Variants in GALNT17 observed in about 807,000 individuals in gnomAD.
The protein encoded by GALNT17 is polypeptide N-acetylgalactosaminyltransferase 17.
Under a neutral mutation model 63.7 loss-of-function variants are expected in GALNT17, and 29 were observed. That is an observed-to-expected ratio of 0.46 (90% CI 0.34 to 0.62). The LOEUF (loss-of-function observed/expected upper bound fraction) is 0.62, where lower values mean the gene tolerates loss of function less well. Among genes scored for constraint, GALNT17 ranks in the 20% least tolerant of loss-of-function variants. The pLI is 0.01. For missense variants in GALNT17, 603 were observed against 799.6 expected (o/e 0.75, Z 2.97); for synonymous variants, 305 against 318.3 (o/e 0.96, Z 0.45).
At chr7:71,285,125 G>T (rs2115778366) in intron 1 of GALNT17, among the ~76,000 whole-genome samples, 1 of 152,252 alleles carries the variant, frequency 6.6e-6, no homozygotes, top group East Asian at 1.9e-4. Flanking sequence ...AAATACCGCA[G>T]AAATTACAAA....
At chr7:71,330,295 G>T (rs2116059231) in intron 1 of GALNT17, among the ~76,000 whole-genome samples, 1 of 152,334 alleles carries the variant, frequency 6.6e-6, no homozygotes, top group Non-Finnish European at 1.5e-5. Flanking sequence ...TTACAGGCAT[G>T]AGCCACCGTG....
At chr7:71,701,898 CATAT>C (rs200402254) in intron 9 of GALNT17, among the ~76,000 whole-genome samples, 18 of 101,408 alleles carry the variant, frequency 1.8e-4, no homozygotes, top group South Asian at 6.7e-4. Context: ...TATATATACA[CATAT>C]ATATATATAC....
At chr7:71,672,562 T>G (rs1438475773) in intron 8 of GALNT17, among the ~76,000 whole-genome samples, 1 of 147,594 alleles carries the variant, frequency 6.8e-6, no homozygotes, top group Non-Finnish European at 1.5e-5. Context: ...GCAAGTTAAG[T>G]TAATTTTTTT....
At chr7:71,362,458 T>A (rs1259935023) in intron 2 of GALNT17, among the ~76,000 whole-genome samples, 1 of 152,210 alleles carries the variant, frequency 6.6e-6, no homozygotes, top group African/African-American at 2.4e-5. Flanking sequence ...TTCTCCTAAA[T>A]GGCAGTATAA....
At chr7:71,219,417 T>C (rs982344783) in intron 1 of GALNT17, among the ~76,000 whole-genome samples, 1 of 131,792 alleles carries the variant, frequency 7.6e-6, no homozygotes, top group African/African-American at 2.5e-5. Flanking sequence ...TCCTCTGCCA[T>C]CTCTGTTATC....
chr7:71,320,569 G>A lies in GALNT17; in HGVS notation c.239-14981G>A, dbSNP rs536878839. On this transcript the variant is annotated intron_variant, in intron 1 of 10. Transcript: ENST00000333538. ...CCTGGCATCAGATAAGTTCTTAAAG[G>A]AAGAAATCTACATCTAAGTAAATGG... Among the ~76,000 whole-genome samples, 6 of 152,232 alleles carry A rather than the reference G, an allele frequency of 3.9e-5. No homozygotes were observed. The South Asian group carries it at 1.0e-3, about 26-fold the overall frequency.
intron 5 of GALNT17, among the ~76,000 whole-genome samples, chr7:71,545,342 G>A (rs536816718): frequency 1.4e-4 from 21 of 151,836 alleles, no homozygotes; most frequent in African/African-American, 4.3e-4. Context: ...TTGTTGTTTC[G>A]GTTTTTTGGT....
chr7:71,614,877 A>AGGGAAGGGAGGGAGGGAGGGAGGGAGGG, intron 6 of GALNT17, among the ~76,000 whole-genome samples: 2 of 101,788 alleles, frequency 2.0e-5, no homozygotes, highest in African/African-American at 7.6e-5. Context: ...AGAAACAGGG[A>AGGGAAGGGAGGGAGGGAGGGAGGGAGGG]GGGAAGGGAG....
intron 1 of GALNT17, among the ~76,000 whole-genome samples, chr7:71,247,614 G>A (rs1180158970): frequency 1.3e-5 from 2 of 152,222 alleles, no homozygotes; most frequent in Admixed American, 1.3e-4. Context: ...GCGCCATCGT[G>A]TCTGGGTGAT....
intron 9 of GALNT17, among the ~76,000 whole-genome samples, chr7:71,693,346 T>C (rs1434789414): frequency 7.1e-6 from 1 of 140,660 alleles, no homozygotes; most frequent in Non-Finnish European, 1.5e-5. Context: ...AACAATGCAA[T>C]GTGAGATCCT....
At chr7:71,318,108 T>C (rs1292683445) in intron 1 of GALNT17, among the ~76,000 whole-genome samples, 3 of 152,050 alleles carry the variant, frequency 2.0e-5, no homozygotes, top group Admixed American at 6.6e-5. Flanking sequence ...TGTCTCAACA[T>C]GTTGCCAGAC....
chr7:71,645,994 A>G (rs1398505759), intron 6 of GALNT17, among the ~76,000 whole-genome samples: 3 of 152,134 alleles, frequency 2.0e-5, no homozygotes, highest in Non-Finnish European at 2.9e-5. Context: ...GACTGGCACC[A>G]TGTCCTGGAA....
chr7:71,346,886 C>T (rs748822398), intron 2 of GALNT17, among the ~76,000 whole-genome samples: 2 of 151,686 alleles, frequency 1.3e-5, no homozygotes, highest in Non-Finnish European at 2.9e-5. Flanking sequence ...CTGTGATGGC[C>T]CTAGTATGTA....
At chr7:71,173,018 T>C (rs1226441415) in intron 1 of GALNT17, among the ~76,000 whole-genome samples, 3 of 152,142 alleles carry the variant, frequency 2.0e-5, no homozygotes, top group South Asian at 2.1e-4. Flanking sequence ...AGCTCCTGTA[T>C]ATTTATTGCT....
chr7:71,314,212 A>G (rs1049635237), intron 1 of GALNT17, among the ~76,000 whole-genome samples: 1 of 151,556 alleles, frequency 6.6e-6, no homozygotes, highest in Non-Finnish European at 1.5e-5. Context: ...GTGGTTAATT[A>G]CTCCCCAAAA....
At chr7:71,504,346 G>T (rs1260599702) in intron 5 of GALNT17, among the ~76,000 whole-genome samples, 1 of 151,996 alleles carries the variant, frequency 6.6e-6, no homozygotes, top group Non-Finnish European at 1.5e-5. Flanking sequence ...AGTGAGCCGA[G>T]ATCGTACCGC....
At chr7:71,570,418 C>T (rs1266524424) in intron 5 of GALNT17, among the ~76,000 whole-genome samples, 1 of 152,124 alleles carries the variant, frequency 6.6e-6, no homozygotes, top group Admixed American at 6.6e-5. Context: ...AATTGGAGCC[C>T]TTGCTTGCAA....
chr7:71,321,926 TCCCTCCCTCCCTCC>T (rs1791622356), intron 1 of GALNT17, among the ~76,000 whole-genome samples: 39 of 39,572 alleles, frequency 9.9e-4, no homozygotes, highest in Non-Finnish European at 1.1e-3. Flanking sequence ...TTCCTTCCCC[TCCCTCCCTCCCTCC>T]CTCCCTTCCT....
chr7:71,214,652 A>T, intron 1 of GALNT17, among the ~76,000 whole-genome samples: 1 of 146,618 alleles, frequency 6.8e-6, no homozygotes, highest in Non-Finnish European at 1.5e-5. Context: ...ATCTTGGCTC[A>T]CTGCAACCTC....
Sources: allele counts gnomAD v4.1 joint callset (sites outside exome capture counted in the v4.1 genomes callset), GRCh38; gene constraint gnomAD v4.1.1; transcripts MANE v1.5; gene names NCBI Gene and HGNC (gene_info 2026-07-23, HGNC 2026-07-21).